The following GPC6 variants were observed in gnomAD, a reference collection of about 807,000 sequenced individuals.
GPC6 encodes the protein glypican 6.
Under a neutral mutation model 55.2 loss-of-function variants are expected in GPC6, and 14 were observed. That is an observed-to-expected ratio of 0.25 (90% CI 0.17 to 0.40). The LOEUF is 0.40. Among genes scored for constraint, GPC6 ranks in the 10% least tolerant of loss-of-function variants. The pLI is 1.00. For synonymous variants in GPC6, 278 were observed against 259.6 expected (o/e 1.07, Z -0.68); for missense variants, 641 against 708.5 (o/e 0.90, Z 1.08).
chr13:93,668,587 G>C (rs9516267), intron 2 of GPC6, among the ~76,000 whole-genome samples: 10 of 151,920 alleles, frequency 6.6e-5, no homozygotes, highest in Admixed American at 4.6e-4. Flanking sequence ...CTAAGAGACA[G>C]AAGAAGAGAA....
intron 3 of GPC6, among the ~76,000 whole-genome samples, chr13:94,014,279 A>G (rs2138703068): frequency 6.6e-6 from 1 of 152,328 alleles, no homozygotes; most frequent in Non-Finnish European, 1.5e-5. Context: ...TTCTCAAGAG[A>G]GAAAGTATTA....
intron 2 of GPC6, among the ~76,000 whole-genome samples, chr13:93,760,898 A>G (rs1325996158): frequency 1.3e-5 from 2 of 152,220 alleles, no homozygotes; most frequent in Non-Finnish European, 2.9e-5. Context: ...GCACTAAAAT[A>G]TGTAAATTGT....
intron 3 of GPC6, among the ~76,000 whole-genome samples, chr13:93,946,869 C>T (rs1399235830): frequency 1.3e-5 from 2 of 152,136 alleles, no homozygotes; most frequent in Admixed American, 1.3e-4. Context: ...TCTCATCTAG[C>T]ACTTCTAAGT....
At chr13:93,567,293 G>T (rs1876177569) in intron 2 of GPC6, among the ~76,000 whole-genome samples, 1 of 152,164 alleles carries the variant, frequency 6.6e-6, no homozygotes. Context: ...TGAGTCAAAG[G>T]AGTTCTTAGC....
rs1389056209 is a variant in GPC6, at chr13:94,306,259, A to G, written c.1152+136A>G. 8.2e-6 allele frequency: 7 copies of G among 852,568 alleles called. No individual in the cohort carries two copies. The Admixed American group carries it at 9.9e-5, about 12-fold the overall frequency. The allele number at this position is 852,568 out of a possible 1,614,324, so 52.8% of individuals were successfully genotyped here. On this transcript the variant is annotated intron_variant, in intron 6 of 8. Transcript: ENST00000377047. ...TATATCTGCCTCTGTTCTTAATTAGAATATTGAAAAGTAATGGGATCTTTC... is the reference window on the plus strand; with the variant it reads ...TATATCTGCCTCTGTTCTTAATTAGGATATTGAAAAGTAATGGGATCTTTC...
At chr13:93,450,669 G>A (rs1878189480) in intron 1 of GPC6, 2 of 800,262 alleles carry the variant, frequency 2.5e-6, no homozygotes, top group Non-Finnish European at 3.0e-6. Context: ...GCGTACTTCT[G>A]TGGAAGGAGT....
At chr13:93,859,726 C>T (rs1194517194) in intron 3 of GPC6, among the ~76,000 whole-genome samples, 2 of 151,570 alleles carry the variant, frequency 1.3e-5, no homozygotes, top group Non-Finnish European at 3.0e-5. Context: ...ATTTTGATTT[C>T]TGTGAGCTAC....
At chr13:93,257,619 A>G (rs1030964050) in intron 1 of GPC6, among the ~76,000 whole-genome samples, 3 of 152,166 alleles carry the variant, frequency 2.0e-5, no homozygotes, top group Non-Finnish European at 4.4e-5. Flanking sequence ...AGTATCTCGC[A>G]TAATCCTTAC....
At chr13:93,474,654 A>G (rs182018545) in intron 1 of GPC6, among the ~76,000 whole-genome samples, 2 of 152,234 alleles carry the variant, frequency 1.3e-5, no homozygotes, top group Non-Finnish European at 2.9e-5. Context: ...GATTAATGGT[A>G]TTTTGAATTC....
chr13:94,040,272 A>G (rs1007703388), intron 4 of GPC6, among the ~76,000 whole-genome samples: 3 of 151,842 alleles, frequency 2.0e-5, no homozygotes, highest in Non-Finnish European at 4.4e-5. Flanking sequence ...CCCTTGCTTC[A>G]TTGCATGTCC....
intron 6 of GPC6, among the ~76,000 whole-genome samples, chr13:94,358,380 A>G (rs1157446086): frequency 2.0e-5 from 3 of 152,204 alleles, no homozygotes; most frequent in African/African-American, 4.8e-5. Flanking sequence ...AAGTAAAGAA[A>G]ATAAAGACAG....
At chr13:94,186,060 C>A (rs9561510) in intron 4 of GPC6, among the ~76,000 whole-genome samples, 67,569 of 89,358 alleles carry the variant, frequency 0.76, 27,518 homozygotes, top group African/African-American at 0.92. Context: ...ACTCCGTCTC[C>A]AAAAAAAAAA....
chr13:93,541,720 T>G (rs1174896908), intron 1 of GPC6, among the ~76,000 whole-genome samples: 1 of 145,698 alleles, frequency 6.9e-6, no homozygotes, highest in Admixed American at 7.1e-5. Flanking sequence ...ATTGCCATTC[T>G]AACTGCTGTG....
intron 6 of GPC6, among the ~76,000 whole-genome samples, chr13:94,350,186 G>A (rs933570308): frequency 3.3e-5 from 5 of 151,936 alleles, no homozygotes; most frequent in Non-Finnish European, 7.4e-5. Context: ...GCATCCCATC[G>A]TGCCCCTGTC....
intron 1 of GPC6, among the ~76,000 whole-genome samples, chr13:93,449,885 C>A (rs1340051637): frequency 6.6e-6 from 1 of 151,522 alleles, no homozygotes; most frequent in Non-Finnish European, 1.5e-5. Flanking sequence ...AAAGAACTTC[C>A]CTGCTTTGAT....
rs1877770739 is a variant in GPC6 at position 93,440,888 on chromosome 13, C to A, written c.161-104375C>A. 2.6e-5 allele frequency among the ~76,000 whole-genome samples: 4 copies of A among 151,928 alleles called. 1 individual carries two copies. The highest frequency in any genetic ancestry group is 7.2e-5 in the African/African-American group (3 of 41,390). On this transcript the variant is annotated intron_variant, in intron 1 of 8. Coordinates refer to ENST00000377047, the MANE Select transcript of GPC6 (RefSeq NM_005708.5). ...GGCCCCAGTGTGTGATGTTCCCCAC[C>A]CCATGTCCAAGTGTTCTCATTGTTC...
intron 2 of GPC6, among the ~76,000 whole-genome samples, chr13:93,623,675 G>A (rs1879064289): frequency 6.6e-6 from 1 of 151,980 alleles, no homozygotes; most frequent in Non-Finnish European, 1.5e-5. Context: ...AGCCAGGATG[G>A]TCTTGATCTC....
intron 4 of GPC6, among the ~76,000 whole-genome samples, chr13:94,242,075 C>G (rs940417449): frequency 1.3e-5 from 2 of 152,088 alleles, no homozygotes; most frequent in Non-Finnish European, 2.9e-5. Context: ...CCACTCCCCC[C>G]ACCCCACAAC....
At chr13:93,385,015 C>T (rs1157319456) in intron 1 of GPC6, among the ~76,000 whole-genome samples, 1 of 152,032 alleles carries the variant, frequency 6.6e-6, no homozygotes, top group Non-Finnish European at 1.5e-5. Context: ...AGAAGGGAAT[C>T]AAATAAGCAA....
Sources: allele counts gnomAD v4.1 joint callset (sites outside exome capture counted in the v4.1 genomes callset), GRCh38; gene constraint gnomAD v4.1.1; transcripts MANE v1.5; gene names NCBI Gene and HGNC (gene_info 2026-07-23, HGNC 2026-07-21).